The following KCNJ3 variants were observed in gnomAD, a reference collection of about 807,000 sequenced individuals.
KCNJ3 encodes G protein-activated inward rectifier potassium channel 1.
KCNJ3 carries 4 observed loss-of-function variants against 39.2 expected under a neutral mutation model. That is an observed-to-expected ratio of 0.10 (90% CI 0.05 to 0.23). KCNJ3 has a LOEUF of 0.23. Ranked by LOEUF, KCNJ3 falls within the 10% of genes least tolerant of loss-of-function variation. The probability of loss-of-function intolerance (pLI) is 1.00; values close to 1 mark genes in which losing one functional copy is unlikely to be tolerated. For synonymous variants in KCNJ3, 230 were observed against 237.4 expected (o/e 0.97, Z 0.29); for missense variants, 276 against 634.9 (o/e 0.43, Z 6.08).
intron 2 of KCNJ3, among the ~76,000 whole-genome samples, chr2:154,853,442 G>T (rs1687788737): frequency 6.6e-6 from 1 of 151,952 alleles, no homozygotes; most frequent in African/African-American, 2.4e-5. Flanking sequence ...ACTATGCCAG[G>T]CTTAAAAACA....
chr2:154,737,673 A>C (rs1055752910), intron 2 of KCNJ3, among the ~76,000 whole-genome samples: 1 of 152,234 alleles, frequency 6.6e-6, no homozygotes. Flanking sequence ...GATGAAAAAT[A>C]AACTGTATGG....
intron 2 of KCNJ3, among the ~76,000 whole-genome samples, chr2:154,821,635 ATTTTTT>A (rs71422263): frequency 2.3e-5 from 2 of 88,080 alleles, no homozygotes; most frequent in Non-Finnish European, 4.2e-5. Flanking sequence ...AGAATATGTG[ATTTTTT>A]TTTTTTTTTT....
chr2:154,839,512 T>A (rs1028992456), intron 2 of KCNJ3, among the ~76,000 whole-genome samples: 1 of 152,240 alleles, frequency 6.6e-6, no homozygotes, highest in Admixed American at 6.5e-5. Context: ...ATTGCCACAC[T>A]GTCTTCCACA....
rs7593233 is a variant in KCNJ3, at chr2:154,746,144, C to T, written c.919+36325C>T. On this transcript the variant is annotated intron_variant, in intron 2 of 2. Transcript: ENST00000295101. ...AATAGTAAATAGATTTTCTCTTCCT[C>T]GTGATGGTTTTTTAATAATATTTTC... is the stretch of plus-strand genomic sequence containing the variant. Among the ~76,000 whole-genome samples the T allele has an allele frequency of 3.2e-3, 493 of 152,008 alleles. 3 individuals are homozygous for T. The highest frequency in any genetic ancestry group is 5.4e-3 in the Non-Finnish European group (365 of 67,954).
chr2:154,798,257 C>T (rs1310856993), intron 2 of KCNJ3, among the ~76,000 whole-genome samples: 1 of 151,426 alleles, frequency 6.6e-6, no homozygotes, highest in Non-Finnish European at 1.5e-5. Flanking sequence ...GCACTCCTGC[C>T]CACTACAACA....
chr2:154,777,408 C>T (rs979719181), intron 2 of KCNJ3, among the ~76,000 whole-genome samples: 1 of 152,142 alleles, frequency 6.6e-6, no homozygotes, highest in African/African-American at 2.4e-5. Flanking sequence ...TTGGCATTGT[C>T]TGCTGTCAAA....
intron 2 of KCNJ3, among the ~76,000 whole-genome samples, chr2:154,803,885 T>C (rs1574468551): frequency 6.6e-6 from 1 of 152,146 alleles, no homozygotes; most frequent in African/African-American, 2.4e-5. Context: ...CAGAAAATTA[T>C]GACATTTTAA....
At chr2:154,712,701 G>A (rs530420860) in intron 2 of KCNJ3, among the ~76,000 whole-genome samples, 3 of 152,248 alleles carry the variant, frequency 2.0e-5, no homozygotes, top group Non-Finnish European at 2.9e-5. Flanking sequence ...GTTGCGGGGG[G>A]TGAGCGTGGG....
In KCNJ3 at chr2:154,699,375, G is replaced by C. The variant is rs761843416; in HGVS notation, c.600G>C (p.Ala200=). 2 of 1,611,562 alleles carry C rather than the reference G, an allele frequency of 1.2e-6. No homozygotes were observed. The highest frequency in any genetic ancestry group is 2.2e-5 in the South Asian group (2 of 91,068). Residue 200 remains alanine (A), a synonymous_variant, in exon 1 of 3, where the codon GCG becomes GCC. Coordinates refer to ENST00000295101, the MANE Select transcript of KCNJ3 (RefSeq NM_002239.4). This position sits in a 1 kb window ranked among gnomAD's most constrained non-coding sequence, Gnocchi z 6.4. ...RAETLMFSEH[A]VISMRDGKLT... is the part of the protein sequence containing the mutation. ...AGACCCTCATGTTCAGCGAGCACGC[G>C]GTGATCTCCATGAGGGACGGAAAAC...
intron 2 of KCNJ3, among the ~76,000 whole-genome samples, chr2:154,834,981 C>G (rs974857452): frequency 6.6e-6 from 1 of 151,460 alleles, no homozygotes; most frequent in Non-Finnish European, 1.5e-5. Context: ...ATGTTGCTCA[C>G]TCCTCCTCAC....
chr2:154,804,956 C>T (rs1347986967), intron 2 of KCNJ3, among the ~76,000 whole-genome samples: 5 of 152,054 alleles, frequency 3.3e-5, no homozygotes, highest in African/African-American at 4.8e-5. Flanking sequence ...GAGAACACCA[C>T]ATTACAAATG....
intron 2 of KCNJ3, among the ~76,000 whole-genome samples, chr2:154,760,605 T>C (rs1292015368): frequency 1.3e-5 from 2 of 151,944 alleles, no homozygotes; most frequent in African/African-American, 4.8e-5. Context: ...CCAGCCTGGA[T>C]TGTAGTGGTA....
At chr2:154,842,205 C>CGTCA (rs1687588503) in intron 2 of KCNJ3, among the ~76,000 whole-genome samples, 1 of 151,914 alleles carries the variant, frequency 6.6e-6, no homozygotes, top group African/African-American at 2.4e-5. Flanking sequence ...TTTATCCAGT[C>CGTCA]GTCATTCAGG....
At chr2:154,757,942 G>A (rs1685971030) in intron 2 of KCNJ3, among the ~76,000 whole-genome samples, 1 of 152,098 alleles carries the variant, frequency 6.6e-6, no homozygotes. Context: ...ATTGAGTATT[G>A]TGTTTTAATA....
rs566820117 is a variant in KCNJ3, at chr2:154,830,915, A to AGTAT, written c.920-23809_920-23806dup. On this transcript the variant is annotated intron_variant, in intron 2 of 2. Transcript: ENST00000295101. Reference sequence around the variant, plus strand: ...ACAAGAAGTACAAGTAAAATTTCAGAGTATGTCCATCTTCATCATTGCAAC... The same window carrying AGTAT: ...ACAAGAAGTACAAGTAAAATTTCAGAGTATGTATGTCCATCTTCATCATTGCAAC... Among the ~76,000 whole-genome samples, 17 of 152,342 alleles carry AGTAT rather than the reference A, an allele frequency of 1.1e-4. No homozygotes were observed. In the East Asian group the frequency reaches 3.1e-3, roughly 28 times the overall value.
At chr2:154,739,495 C>T (rs1301232443) in intron 2 of KCNJ3, among the ~76,000 whole-genome samples, 1 of 151,986 alleles carries the variant, frequency 6.6e-6, no homozygotes, top group African/African-American at 2.4e-5. Context: ...CTGTCATTTG[C>T]CTTCCTTATT....
At chr2:154,718,895 G>C (rs1412760149) in intron 2 of KCNJ3, among the ~76,000 whole-genome samples, 1 of 152,108 alleles carries the variant, frequency 6.6e-6, no homozygotes, top group African/African-American at 2.4e-5. Context: ...GACTTATATG[G>C]ATAAAGGAAG....
At chr2:154,826,457 C>T (rs1056354379) in intron 2 of KCNJ3, among the ~76,000 whole-genome samples, 2 of 152,260 alleles carry the variant, frequency 1.3e-5, no homozygotes, top group East Asian at 3.9e-4. Flanking sequence ...AGACACTAGT[C>T]ATTTGCAGTG....
chr2:154,807,349 GCACC>G (rs2105098340), intron 2 of KCNJ3, among the ~76,000 whole-genome samples: 1 of 152,310 alleles, frequency 6.6e-6, no homozygotes, highest in South Asian at 2.1e-4. Context: ...GACACACATA[GCACC>G]CTTGGAGGGA....
Sources: gnomAD v4.1 joint callset for allele counts (sites outside exome capture counted in the v4.1 genomes callset) on GRCh38, gnomAD v4.1.1 for gene constraint, Gnocchi (gnomAD v3.1) non-coding constraint, MANE v1.5 for transcripts, NCBI Gene and HGNC (gene_info 2026-07-23, HGNC 2026-07-21) for gene names.